The following ERCC8 variants were observed in gnomAD, a reference collection of about 807,000 sequenced individuals.
ERCC8 encodes ERCC excision repair 8, CSA ubiquitin ligase complex subunit, also known as DNA excision repair protein ERCC-8.
ERCC8 carries 52 observed loss-of-function variants against 54.9 expected under a neutral mutation model. The observed-to-expected ratio is 0.95, with a 90% CI of 0.76 to 1.19. The LOEUF is 1.19. Among genes scored for constraint, ERCC8 ranks in the 50% most tolerant of loss-of-function variants. The pLI, the probability that ERCC8 is intolerant of heterozygous loss-of-function variation, is 0.00. For missense variants in ERCC8, 514 were observed against 466.1 expected, an observed-to-expected ratio of 1.10 and a Z score of -0.95; for synonymous variants, 146 against 157.2, an observed-to-expected ratio of 0.93 and a Z score of 0.53.
chr5:60,938,799 T>C (rs1750170278), intron 1 of ERCC8, among the ~76,000 whole-genome samples: 1 of 152,248 alleles, frequency 6.6e-6, no homozygotes, highest in African/African-American at 2.4e-5. Flanking sequence ...TTCCTCCATA[T>C]ATATGTAGCT....
rs1748817446 is a variant in ERCC8, at chr5:60,899,679, A to G, written c.666T>C (p.Cys222=). 14 of 1,612,380 alleles carry G rather than the reference A, an allele frequency of 8.7e-6. No homozygotes were observed. The highest frequency in any genetic ancestry group is 1.2e-5 in the Non-Finnish European group (14 of 1,179,012). The part of the protein sequence containing the change: ...KLWDVRRASG[C]LITLDQHNGK... ...CATTATGTTGATCAAGAGTAATCAAACATCCTGATGCTCTTCTCACATCCC... is the reference window on the plus strand; with the variant it reads ...CATTATGTTGATCAAGAGTAATCAAGCATCCTGATGCTCTTCTCACATCCC... Residue 222 remains cysteine (C), a synonymous_variant, in exon 8 of 12, where the codon TGT becomes TGC. Coordinates refer to ENST00000676185, the MANE Select transcript of ERCC8 (RefSeq NM_000082.4).
rs191579796 is a variant in ERCC8, at chr5:60,888,930, G to C, written c.1042-1410C>G. On this transcript the variant is annotated intron_variant, in intron 10 of 11. Transcript: ENST00000676185. ...CCAATACTGTCCTTTATAGCAAAAG[G>C]GACCAGTTAAAAATCACATGCTGCA... Among the ~76,000 whole-genome samples the C allele has an allele frequency of 7.9e-5, 12 of 152,196 alleles. No individual in the cohort carries two copies. The East Asian group carries it at 2.3e-3, about 29-fold the overall frequency.
intron 1 of ERCC8, among the ~76,000 whole-genome samples, chr5:60,929,814 C>T (rs912331040): frequency 1.3e-5 from 2 of 151,892 alleles, no homozygotes; most frequent in African/African-American, 2.4e-5. Flanking sequence ...AAGTATCTAG[C>T]GAATATTAAC....
chr5:60,883,695 G>A (rs1748312812), intron 11 of ERCC8, among the ~76,000 whole-genome samples: 1 of 152,144 alleles, frequency 6.6e-6, no homozygotes, highest in Non-Finnish European at 1.5e-5. Context: ...TATGTATTGT[G>A]TGAATGTCAA....
intron 4 of ERCC8, among the ~76,000 whole-genome samples, chr5:60,915,645 A>C (rs1288619262): frequency 6.6e-6 from 1 of 151,944 alleles, no homozygotes; most frequent in Admixed American, 6.6e-5. Context: ...TCTTCCAGAG[A>C]CCACCCACAT....
chr5:60,888,178 T>C (rs926560673), intron 10 of ERCC8, among the ~76,000 whole-genome samples: 2 of 152,220 alleles, frequency 1.3e-5, no homozygotes, highest in African/African-American at 2.4e-5. Context: ...TTTTTATTAT[T>C]GTACATCTCA....
chr5:60,898,358 G>A lies in ERCC8; in HGVS notation c.761C>T (p.Thr254Ile), dbSNP rs775948859. The A allele has an allele frequency of 1.2e-6, 2 of 1,613,506 alleles. No individual in the cohort carries two copies. The highest frequency in any genetic ancestry group is 1.7e-6 in the Non-Finnish European group (2 of 1,179,576). Residue 254 changes from threonine (T) to isoleucine (I), a missense_variant, in exon 9 of 12, where the codon ACA (threonine) becomes ATA (isoleucine). By Grantham distance (89) the Thr-to-Ile change is moderately conservative (BLOSUM62 -1). Coordinates refer to ENST00000676185, the MANE Select transcript of ERCC8 (RefSeq NM_000082.4). ...HNGKVNGLCFTSDGLHLLTVG... is the reference protein window; with the variant it reads ...HNGKVNGLCFISDGLHLLTVG... ...AGTGAGGAGGTGAAGTCCATCACTT[G>A]TAAAACATAAGCCATTAACTTTCCC... is the stretch of plus-strand genomic sequence containing the variant.
chr5:60,935,563 C>T (rs1750039754), intron 1 of ERCC8, among the ~76,000 whole-genome samples: 2 of 152,148 alleles, frequency 1.3e-5, no homozygotes, highest in Non-Finnish European at 2.9e-5. Flanking sequence ...GCTGGGACTT[C>T]CAGCACTATG....
At chr5:60,943,270 CA>C (rs879765446) in intron 1 of ERCC8, among the ~76,000 whole-genome samples, 12 of 148,494 alleles carry the variant, frequency 8.1e-5, no homozygotes, top group Non-Finnish European at 1.0e-4. Flanking sequence ...GACCCTGCCT[CA>C]AAAAAAAAAT....
Position 60,867,446 on chromosome 5 carries a change from G to A in ERCC8, c.*7169C>T, listed in dbSNP as rs1400711300. On this transcript the variant is annotated 3_prime_UTR_variant, in exon 12 of 12. Transcript: ENST00000676185. The stretch of plus-strand genomic sequence containing the variant: ...TATTTCTTTATAAAGCCATTACAAT[G>A]AAAAAAATAATCTTACCATTCTTTA... Among the ~76,000 whole-genome samples, 1 of 151,868 alleles carries A rather than the reference G, an allele frequency of 6.6e-6. No individual in the cohort carries two copies. Among genetic ancestry groups the A allele is most frequent in the Non-Finnish European group, 1.5e-5 (1 of 67,948 alleles).
chr5:60,927,337 T>C (rs141720590), intron 2 of ERCC8, among the ~76,000 whole-genome samples: 1 of 152,316 alleles, frequency 6.6e-6, no homozygotes, highest in East Asian at 1.9e-4. Flanking sequence ...TTCCACAGAA[T>C]GTACGCTTTC....
At position 60,908,593 on chromosome 5, in the gene ERCC8, T is replaced by TTA. The variant is rs1554073819; in HGVS notation, c.400-3721_400-3720insTA. Among the ~76,000 whole-genome samples, 15 of 148,914 alleles carry TTA rather than the reference T, an allele frequency of 1.0e-4. No individual in the cohort carries two copies. In the East Asian group the frequency reaches 2.4e-3, roughly 23 times the overall value. On this transcript the variant is annotated intron_variant, in intron 4 of 11. Coordinates refer to ENST00000676185, the MANE Select transcript of ERCC8 (RefSeq NM_000082.4). The stretch of plus-strand genomic sequence containing the variant: ...TATATATATATATATATTTTTTTTT[T>TTA]AAATAATGGCTTTGTCAAGATACAA...
At chr5:60,877,235 C>A (rs1179045796) in intron 11 of ERCC8, among the ~76,000 whole-genome samples, 1 of 152,158 alleles carries the variant, frequency 6.6e-6, no homozygotes. Flanking sequence ...TTCCATTGGT[C>A]TATATCTCTG....
intron 11 of ERCC8, among the ~76,000 whole-genome samples, chr5:60,880,804 G>T (rs1285504110): frequency 1.3e-5 from 2 of 152,030 alleles, no homozygotes; most frequent in African/African-American, 2.4e-5. Flanking sequence ...TTTGCCATGG[G>T]TTCAAACTTC....
intron 10 of ERCC8, among the ~76,000 whole-genome samples, chr5:60,890,069 T>C (rs1027137466): frequency 6.6e-6 from 1 of 152,154 alleles, no homozygotes; most frequent in Non-Finnish European, 1.5e-5. Flanking sequence ...TTATATATTT[T>C]AATAATGAAT....
At chr5:60,936,580 C>T (rs530776352) in intron 1 of ERCC8, among the ~76,000 whole-genome samples, 1 of 151,996 alleles carries the variant, frequency 6.6e-6, no homozygotes, top group Non-Finnish European at 1.5e-5. Flanking sequence ...GTTTGGTTTG[C>T]TGTTTCTCCA....
At chr5:60,880,527 C>G (rs993472858) in intron 11 of ERCC8, among the ~76,000 whole-genome samples, 2 of 152,208 alleles carry the variant, frequency 1.3e-5, no homozygotes, top group Non-Finnish European at 2.9e-5. Context: ...TTGGTCTTTT[C>G]ACATAGTCCC....
intron 11 of ERCC8, among the ~76,000 whole-genome samples, chr5:60,882,555 AT>A (rs1748268143): frequency 6.6e-6 from 1 of 151,802 alleles, no homozygotes; most frequent in East Asian, 2.0e-4. Flanking sequence ...CCACCGGCGA[AT>A]TTTTGTATTT....
chr5:60,909,486 C>A (rs1203412560), intron 4 of ERCC8, among the ~76,000 whole-genome samples: 2 of 152,116 alleles, frequency 1.3e-5, no homozygotes, highest in African/African-American at 4.8e-5. Flanking sequence ...CTAGAGACAG[C>A]AAGGTCAACT....
Sources: gnomAD v4.1 joint callset for allele counts (sites outside exome capture counted in the v4.1 genomes callset) on GRCh38, gnomAD v4.1.1 for gene constraint, MANE v1.5 for transcripts, NCBI Gene and HGNC (gene_info 2026-07-23, HGNC 2026-07-21) for gene names.